KLF12: variants seen among roughly 807,000 people sequenced by gnomAD.
KLF12 encodes the protein Krueppel-like factor 12.
In KLF12, 9 loss-of-function variants were observed where a neutral mutation model predicts 37.8. That is an observed-to-expected ratio of 0.24 (90% CI 0.14 to 0.42). The LOEUF (loss-of-function observed/expected upper bound fraction) is 0.42. Among genes scored for constraint, KLF12 ranks in the 10% least tolerant of loss-of-function variants. The pLI, the probability that KLF12 is intolerant of heterozygous loss-of-function variation, is 1.00. For synonymous variants in KLF12, 208 were observed against 202.1 expected (o/e 1.03, Z -0.25); for missense variants, 411 against 516.0 (o/e 0.80, Z 1.97).
intron 1 of KLF12, among the ~76,000 whole-genome samples, chr13:74,005,404 A>C (rs1200638564): frequency 6.6e-6 from 1 of 152,230 alleles, no homozygotes; most frequent in African/African-American, 2.4e-5. Flanking sequence ...ATCAGTGAGG[A>C]TTCAAAGGTG....
At chr13:73,756,083 G>A (rs1566345798) in intron 6 of KLF12, among the ~76,000 whole-genome samples, 1 of 152,098 alleles carries the variant, frequency 6.6e-6, no homozygotes, top group South Asian at 2.1e-4. Flanking sequence ...GCTATGAAGA[G>A]TCTTACCTCT....
At chr13:73,848,479 TAAG>T (rs893961111) in intron 3 of KLF12, among the ~76,000 whole-genome samples, 6 of 151,294 alleles carry the variant, frequency 4.0e-5, no homozygotes, top group African/African-American at 9.7e-5. Flanking sequence ...ATTTACCTCT[TAAG>T]AAGTTTCATA....
intron 2 of KLF12, among the ~76,000 whole-genome samples, chr13:73,972,496 T>C (rs118100926): frequency 0.014 from 2,135 of 151,524 alleles, 17 homozygotes; most frequent in South Asian, 0.026. Flanking sequence ...CTCAGTAATA[T>C]TGAGTATAAC....
At chr13:73,904,819 T>C (rs1044690651) in intron 3 of KLF12, among the ~76,000 whole-genome samples, 1 of 152,122 alleles carries the variant, frequency 6.6e-6, no homozygotes, top group Non-Finnish European at 1.5e-5. Context: ...ATGACAGCAC[T>C]GGGAGCCATA....
the KLF12 span, among the ~76,000 whole-genome samples, chr13:74,285,041 C>A: frequency 2.0e-5 from 3 of 152,114 alleles, no homozygotes; most frequent in African/African-American, 7.2e-5. Flanking sequence ...CATCAAATTT[C>A]TCTTGTATGG....
intron 4 of KLF12, among the ~76,000 whole-genome samples, chr13:73,832,674 C>T (rs1884228097): frequency 6.6e-6 from 1 of 152,166 alleles, no homozygotes; most frequent in South Asian, 2.1e-4. Context: ...TTTATGGATG[C>T]AACAAATGGG....
At chr13:74,180,797 T>C in the KLF12 span, among the ~76,000 whole-genome samples, 1 of 152,166 alleles carries the variant, frequency 6.6e-6, no homozygotes, top group Non-Finnish European at 1.5e-5. Flanking sequence ...TAAATATTAA[T>C]CAGAAATTAT....
At chr13:73,944,538 T>C (rs1890334880) in intron 2 of KLF12, among the ~76,000 whole-genome samples, 1 of 152,234 alleles carries the variant, frequency 6.6e-6, no homozygotes, top group Non-Finnish European at 1.5e-5. Context: ...TATAATTCCA[T>C]ACATTTAATT....
At chr13:74,025,784 T>C (rs1325586051) in intron 1 of KLF12, among the ~76,000 whole-genome samples, 2 of 152,092 alleles carry the variant, frequency 1.3e-5, no homozygotes, top group Non-Finnish European at 2.9e-5. Flanking sequence ...ATGAAACACA[T>C]TTGACTGACT....
chr13:74,154,125 C>G, the KLF12 span, among the ~76,000 whole-genome samples: 1 of 151,674 alleles, frequency 6.6e-6, no homozygotes, highest in African/African-American at 2.4e-5. Flanking sequence ...GTCCCAGCTA[C>G]CAGGGAGGCT....
Position 73,795,404 on chromosome 13 carries a change from A to G in KLF12, c.806+17748T>C, listed in dbSNP as rs186153343. Among the ~76,000 whole-genome samples the G allele has an allele frequency of 2.3e-3, 343 of 152,312 alleles. 2 individuals carry two copies. The highest frequency in any genetic ancestry group is 7.7e-3 in the African/African-American group (321 of 41,574). ...ATATTCTCTACCTGTCTCCTCCACA[A>G]ACCTAGCTTGGTATCTTACATATGG... On this transcript the variant is annotated intron_variant, in intron 5 of 7. Coordinates refer to ENST00000377669, the MANE Select transcript of KLF12 (RefSeq NM_007249.5).
intron 3 of KLF12, among the ~76,000 whole-genome samples, chr13:73,922,031 C>T (rs1344960881): frequency 6.6e-6 from 1 of 151,424 alleles, no homozygotes; most frequent in Non-Finnish European, 1.5e-5. Context: ...AAAAGTCATG[C>T]TTTTCACAGT....
intron 3 of KLF12, among the ~76,000 whole-genome samples, chr13:73,923,569 C>A (rs1321319648): frequency 1.3e-5 from 2 of 152,160 alleles, no homozygotes; most frequent in East Asian, 1.9e-4. Context: ...AGGGCAGTCA[C>A]TTTTTAATTG....
intron 5 of KLF12, among the ~76,000 whole-genome samples, chr13:73,771,546 T>G (rs1250576769): frequency 6.6e-6 from 1 of 152,230 alleles, no homozygotes; most frequent in Non-Finnish European, 1.5e-5. Flanking sequence ...ATCTGAGCAA[T>G]CTCAGTGAAT....
upstream of KLF12, among the ~76,000 whole-genome samples, chr13:74,137,416 A>G (rs980551529): frequency 6.6e-5 from 10 of 152,238 alleles, no homozygotes; most frequent in Admixed American, 1.3e-4. Context: ...CTAACTATAT[A>G]TAAAAACTTC....
At chr13:73,975,822 T>C (rs1392097595) in intron 2 of KLF12, among the ~76,000 whole-genome samples, 2 of 152,214 alleles carry the variant, frequency 1.3e-5, no homozygotes, top group Non-Finnish European at 2.9e-5. Context: ...TCTAATCATC[T>C]GTAGGTCTGT....
chr13:74,287,041 C>T, the KLF12 span, among the ~76,000 whole-genome samples: 1 of 152,202 alleles, frequency 6.6e-6, no homozygotes, highest in Non-Finnish European at 1.5e-5. Context: ...TAAATCATTA[C>T]ATGGCTCTTT....
intron 1 of KLF12, among the ~76,000 whole-genome samples, chr13:74,060,258 A>G (rs1873493630): frequency 6.6e-6 from 1 of 151,982 alleles, no homozygotes; most frequent in Non-Finnish European, 1.5e-5. Flanking sequence ...TTTTGTTTTC[A>G]TATAAACTTA....
At chr13:73,895,248 G>T (rs1887706963) in intron 3 of KLF12, among the ~76,000 whole-genome samples, 1 of 152,176 alleles carries the variant, frequency 6.6e-6, no homozygotes, top group African/African-American at 2.4e-5. Flanking sequence ...TCTAACTTCT[G>T]AGTGACAGAA....
Sources: gnomAD v4.1 joint callset for allele counts (sites outside exome capture counted in the v4.1 genomes callset) on GRCh38, gnomAD v4.1.1 for gene constraint, MANE v1.5 for transcripts, NCBI Gene and HGNC (gene_info 2026-07-23, HGNC 2026-07-21) for gene names.